Variants in INSYN2B observed in about 807,000 individuals in gnomAD.
The protein encoded by INSYN2B is protein INSYN2B.
In INSYN2B, 16 loss-of-function variants were observed where a neutral mutation model predicts 41.2. The ratio of observed to expected loss-of-function variants is 0.39; its 90% confidence interval spans 0.26 to 0.59. The LOEUF (loss-of-function observed/expected upper bound fraction) is 0.59. Ranked by LOEUF, INSYN2B falls within the 20% of genes least tolerant of loss-of-function variation. The pLI, the probability that INSYN2B is intolerant of heterozygous loss-of-function variation, is 0.57. For synonymous variants in INSYN2B, 245 were observed against 244.4 expected (o/e 1.00, Z -0.02); for missense variants, 608 against 646.4 (o/e 0.94, Z 0.64).
intron 1 of INSYN2B, among the ~76,000 whole-genome samples, chr5:169,886,833 G>A (rs1231558270): frequency 1.3e-5 from 2 of 152,152 alleles, no homozygotes; most frequent in African/African-American, 4.8e-5. Context: ...TTCTGGGAAC[G>A]ATAACTCACA....
chr5:169,944,580 C>A (rs948890703), intron 1 of INSYN2B, among the ~76,000 whole-genome samples: 1 of 152,196 alleles, frequency 6.6e-6, no homozygotes, highest in African/African-American at 2.4e-5. Context: ...TATGGAGTGA[C>A]CTTGGGAGAG....
intron 1 of INSYN2B, among the ~76,000 whole-genome samples, chr5:169,887,966 C>T (rs1051557266): frequency 6.6e-5 from 10 of 152,060 alleles, no homozygotes; most frequent in Non-Finnish European, 1.3e-4. Flanking sequence ...TCATTATTCT[C>T]GATATGGAAT....
chr5:169,881,694 G>A (rs1772665818), intron 2 of INSYN2B, among the ~76,000 whole-genome samples: 1 of 152,152 alleles, frequency 6.6e-6, no homozygotes, highest in Non-Finnish European at 1.5e-5. Flanking sequence ...GTGAGATGAG[G>A]GATTCTGCAG....
chr5:169,881,261 CT>C (rs1361210702), intron 3 of INSYN2B, 106 bp downstream of exon 3: 1 of 875,436 alleles, frequency 1.1e-6, no homozygotes, highest in African/African-American at 1.7e-5. Flanking sequence ...AGTTAAATAC[CT>C]TGTTTTTGCC....
chr5:169,897,746 G>C (rs569020131), intron 1 of INSYN2B, among the ~76,000 whole-genome samples: 1 of 152,140 alleles, frequency 6.6e-6, no homozygotes. Context: ...TGTCTAGAAG[G>C]CCATCGTCAG....
intron 1 of INSYN2B, among the ~76,000 whole-genome samples, chr5:169,958,165 C>A (rs1349038695): frequency 2.6e-5 from 4 of 152,090 alleles, no homozygotes; most frequent in Non-Finnish European, 4.4e-5. Context: ...TGATTATCTA[C>A]CCTGTGGTGA....
chr5:169,869,761 C>T (rs930966784), intron 3 of INSYN2B, among the ~76,000 whole-genome samples: 1 of 152,208 alleles, frequency 6.6e-6, no homozygotes, highest in Non-Finnish European at 1.5e-5. Context: ...GGGAGAGACT[C>T]TCTGCTTTGG....
intron 1 of INSYN2B, among the ~76,000 whole-genome samples, chr5:169,910,431 T>G (rs143894878): frequency 6.6e-6 from 1 of 152,294 alleles, no homozygotes; most frequent in East Asian, 1.9e-4. Context: ...TTGCTTACTC[T>G]CTTAACTTTT....
At chr5:169,899,975 C>T (rs1395306539) in intron 1 of INSYN2B, among the ~76,000 whole-genome samples, 2 of 152,196 alleles carry the variant, frequency 1.3e-5, no homozygotes, top group Non-Finnish European at 2.9e-5. Context: ...GAGAGTCTCA[C>T]AAACTGTCCA....
In INSYN2B at chr5:169,927,773, C is replaced by G. The variant is rs186602450; in HGVS notation, c.-918-42957G>C. Reference sequence around the variant, plus strand: ...CTGGGACTACAGGCGCCCGCCACCACGCCTGGCTAATTTTTTGTATTTTTA... The same window carrying G: ...CTGGGACTACAGGCGCCCGCCACCAGGCCTGGCTAATTTTTTGTATTTTTA... On this transcript the variant is annotated intron_variant, in intron 1 of 3. Coordinates refer to ENST00000377365, the MANE Select transcript of INSYN2B (RefSeq NM_001129891.3). Among the ~76,000 whole-genome samples the G allele has an allele frequency of 3.3e-5, 5 of 152,262 alleles. No homozygotes were observed. In the South Asian group the frequency reaches 6.2e-4, roughly 19 times the overall value.
chr5:169,945,806 G>A (rs1197499882), intron 1 of INSYN2B, among the ~76,000 whole-genome samples: 1 of 152,178 alleles, frequency 6.6e-6, no homozygotes, highest in Non-Finnish European at 1.5e-5. Flanking sequence ...TTTGCTTATT[G>A]TTTGGATTCG....
intron 1 of INSYN2B, among the ~76,000 whole-genome samples, chr5:169,960,337 T>C (rs1777034491): frequency 6.6e-6 from 1 of 152,214 alleles, no homozygotes; most frequent in Admixed American, 6.5e-5. Flanking sequence ...TTACATCTGC[T>C]CATTTATGGT....
At chr5:169,902,750 C>A (rs181065770) in intron 1 of INSYN2B, among the ~76,000 whole-genome samples, 1 of 152,090 alleles carries the variant, frequency 6.6e-6, no homozygotes, top group African/African-American at 2.4e-5. Context: ...ACTAGGGACA[C>A]GGCAGTGAGC....
intron 1 of INSYN2B, among the ~76,000 whole-genome samples, chr5:169,951,366 A>G (rs1776656988): frequency 6.6e-6 from 1 of 152,178 alleles, no homozygotes; most frequent in African/African-American, 2.4e-5. Context: ...AATGCTTCCA[A>G]ATAACACAAC....
At chr5:169,919,611 G>A (rs990071888) in intron 1 of INSYN2B, among the ~76,000 whole-genome samples, 62 of 152,310 alleles carry the variant, frequency 4.1e-4, no homozygotes, top group African/African-American at 1.5e-3. Context: ...TGTATGGTGA[G>A]AAGGGTTTCC....
chr5:169,887,871 A>G (rs546393000), intron 1 of INSYN2B, among the ~76,000 whole-genome samples: 104 of 152,270 alleles, frequency 6.8e-4, no homozygotes, highest in African/African-American at 2.4e-3. Flanking sequence ...AAGGTCTTTC[A>G]CCAGAACCTC....
At chr5:169,893,479 C>CT (rs200833735) in intron 1 of INSYN2B, among the ~76,000 whole-genome samples, 99,348 of 142,962 alleles carry the variant, frequency 0.69, 34,945 homozygotes, top group African/African-American at 0.8. Context: ...TTTTCTTACC[C>CT]TTTTTTTTTT....
intron 1 of INSYN2B, among the ~76,000 whole-genome samples, chr5:169,965,347 G>A (rs1036685160): frequency 2.6e-5 from 4 of 152,176 alleles, no homozygotes; most frequent in African/African-American, 9.7e-5. Context: ...TGGTCCACAG[G>A]CCACACTCTG....
chr5:169,942,006 G>A (rs1201931769), intron 1 of INSYN2B, among the ~76,000 whole-genome samples: 2 of 152,194 alleles, frequency 1.3e-5, no homozygotes, highest in Non-Finnish European at 2.9e-5. Context: ...CTGTTCTGTA[G>A]TTGCAAAATA....
Sources: allele counts gnomAD v4.1 joint callset (sites outside exome capture counted in the v4.1 genomes callset), GRCh38; gene constraint gnomAD v4.1.1; transcripts MANE v1.5; gene names NCBI Gene and HGNC (gene_info 2026-07-23, HGNC 2026-07-21).